Variants in CTNND2 observed in about 807,000 individuals in gnomAD.
The protein encoded by CTNND2 is catenin delta 2, also known as catenin delta-2.
A neutral mutation model predicts 144.4 loss-of-function variants in CTNND2; 22 were observed. The observed-to-expected ratio is 0.15, with a 90% CI of 0.11 to 0.22. The LOEUF is 0.22. Ranked by LOEUF, CTNND2 falls within the 10% of genes least tolerant of loss-of-function variation. The pLI is 1.00. For missense variants in CTNND2, 1,353 were observed against 1,618.8 expected (o/e 0.84, Z 2.82); for synonymous variants, 751 against 695.6 (o/e 1.08, Z -1.25).
At chr5:11,578,575 C>T (rs1016090777) in intron 2 of CTNND2, among the ~76,000 whole-genome samples, 1 of 151,894 alleles carries the variant, frequency 6.6e-6, no homozygotes, top group Non-Finnish European at 1.5e-5. Context: ...GCAGGTAAAT[C>T]GCTTGAACTC....
chr5:11,620,721 T>C (rs1780789789), intron 2 of CTNND2, among the ~76,000 whole-genome samples: 1 of 152,134 alleles, frequency 6.6e-6, no homozygotes, highest in Non-Finnish European at 1.5e-5. Flanking sequence ...ACTGGGTCTA[T>C]TATCTGTTTT....
At chr5:11,448,454 T>A (rs1765022447) in intron 3 of CTNND2, among the ~76,000 whole-genome samples, 1 of 152,124 alleles carries the variant, frequency 6.6e-6, no homozygotes, top group Non-Finnish European at 1.5e-5. Flanking sequence ...ATATTTCAAG[T>A]CTTTCGGGGA....
chr5:11,830,620 C>G (rs562187054), intron 1 of CTNND2, among the ~76,000 whole-genome samples: 42 of 152,208 alleles, frequency 2.8e-4, no homozygotes, highest in African/African-American at 1.0e-3. Context: ...TATAAATTAC[C>G]CAGTCTCAAA....
chr5:11,051,620 A>G (rs938590579), intron 16 of CTNND2, among the ~76,000 whole-genome samples: 1 of 152,230 alleles, frequency 6.6e-6, no homozygotes, highest in African/African-American at 2.4e-5. Flanking sequence ...ATTGCAAAAG[A>G]TTTTTCATGA....
At position 11,426,163 on chromosome 5, in the gene CTNND2, C is replaced by A. The variant is rs112895353; in HGVS notation, c.288-14094G>T. Among the ~76,000 whole-genome samples the A allele has an allele frequency of 4.8e-3, 730 of 152,298 alleles. 8 individuals carry two copies. The highest frequency in any genetic ancestry group is 0.017 in the African/African-American group (687 of 41,562). On this transcript the variant is annotated intron_variant, in intron 3 of 21. Transcript: ENST00000304623. ...ATCTCTCTCCTCCACTACCAAACCG[C>A]ACTGTTGTAGCCCCCCTTGAAAAAC...
intron 3 of CTNND2, among the ~76,000 whole-genome samples, chr5:11,515,657 A>G (rs2150031585): frequency 6.6e-6 from 1 of 152,326 alleles, no homozygotes; most frequent in South Asian, 2.1e-4. Context: ...TATGCTTTTT[A>G]TGAATCTCAA....
At position 11,196,680 on chromosome 5, in the gene CTNND2, C is replaced by T. The variant is rs776398953; in HGVS notation, c.1975+2768G>A. On this transcript the variant is annotated intron_variant, in intron 11 of 21. Coordinates refer to ENST00000304623, the MANE Select transcript of CTNND2 (RefSeq NM_001332.4). The stretch of plus-strand genomic sequence containing the variant: ...CCTCTTGGAGTCATCCACTCCCTTG[C>T]GGCTCATCTAGCAAGTTCCCAAAAT... Among the ~76,000 whole-genome samples, 6 of 152,202 alleles carry T rather than the reference C, an allele frequency of 3.9e-5. No individual in the cohort carries two copies. The East Asian group carries it at 7.7e-4, about 20-fold the overall frequency.
chr5:11,290,659 A>G (rs543956333), intron 9 of CTNND2, among the ~76,000 whole-genome samples: 1 of 152,326 alleles, frequency 6.6e-6, no homozygotes, highest in Admixed American at 6.5e-5. Flanking sequence ...ATGAAAAGGT[A>G]CGTTTCATAG....
intron 14 of CTNND2, among the ~76,000 whole-genome samples, chr5:11,101,293 C>T (rs1396730993): frequency 1.3e-5 from 2 of 152,148 alleles, no homozygotes; most frequent in East Asian, 1.9e-4. Context: ...TGTAACATGA[C>T]TGGACGTATT....
intron 2 of CTNND2, among the ~76,000 whole-genome samples, chr5:11,702,432 A>G (rs1785487970): frequency 6.6e-6 from 1 of 152,172 alleles, no homozygotes; most frequent in Admixed American, 6.5e-5. Flanking sequence ...AGGTGCTCAG[A>G]CAGTTCTTGT....
rs1212806854 is a variant in CTNND2, at chr5:11,031,956, G to T, written c.2789-8977C>A. Among the ~76,000 whole-genome samples, 7 of 152,204 alleles carry T rather than the reference G, an allele frequency of 4.6e-5. No homozygotes were observed. The East Asian group carries it at 1.2e-3, about 25-fold the overall frequency. On this transcript the variant is annotated intron_variant, in intron 16 of 21. Coordinates refer to ENST00000304623, the MANE Select transcript of CTNND2 (RefSeq NM_001332.4). ...TTGGTGTCAGACTGAGCCACTGATG[G>T]CTTCTTTCTTCATCATCTTGCAGAT...
chr5:11,690,464 C>A (rs962118709), intron 2 of CTNND2, among the ~76,000 whole-genome samples: 5 of 152,120 alleles, frequency 3.3e-5, no homozygotes, highest in Non-Finnish European at 5.9e-5. Context: ...ATATTAGAGG[C>A]TCTCACTTAA....
At chr5:11,182,615 C>T (rs1397977145) in intron 11 of CTNND2, among the ~76,000 whole-genome samples, 1 of 152,124 alleles carries the variant, frequency 6.6e-6, no homozygotes, top group African/African-American at 2.4e-5. Context: ...ACTCTTACTA[C>T]TAGCCATGTC....
chr5:11,431,268 C>T (rs1271357218), intron 3 of CTNND2, among the ~76,000 whole-genome samples: 1 of 152,088 alleles, frequency 6.6e-6, no homozygotes, highest in Non-Finnish European at 1.5e-5. Flanking sequence ...ACCATTAAGT[C>T]CATAGAGGTC....
chr5:11,450,851 T>TC (rs1429356648), intron 3 of CTNND2, among the ~76,000 whole-genome samples: 1 of 141,892 alleles, frequency 7.0e-6, no homozygotes, highest in Non-Finnish European at 1.5e-5. Flanking sequence ...TGAGCCGAGA[T>TC]TGCGCCATTG....
rs190803401 is a variant in CTNND2 at position 11,602,145 on chromosome 5, A to C, written c.175-37089T>G. Among the ~76,000 whole-genome samples the C allele has an allele frequency of 9.7e-4, 148 of 152,222 alleles. 2 individuals are homozygous for C. The highest frequency in any genetic ancestry group is 3.1e-3 in the African/African-American group (128 of 41,560). On this transcript the variant is annotated intron_variant, in intron 2 of 21. Transcript: ENST00000304623. ...AAGTTAATAATATAATTTCCTTAAAAATATATTTTATTATTATAAAATACT... is the reference window on the plus strand; with the variant it reads ...AAGTTAATAATATAATTTCCTTAAACATATATTTTATTATTATAAAATACT...
At chr5:11,742,731 A>G (rs924909063) in intron 1 of CTNND2, among the ~76,000 whole-genome samples, 11 of 152,182 alleles carry the variant, frequency 7.2e-5, no homozygotes, top group Non-Finnish European at 1.5e-4. Flanking sequence ...ATATTTTAAA[A>G]TATTTTATTT....
At chr5:11,312,037 ACACT>A (rs769168881) in intron 9 of CTNND2, among the ~76,000 whole-genome samples, 2 of 149,548 alleles carry the variant, frequency 1.3e-5, no homozygotes, top group African/African-American at 4.9e-5. Flanking sequence ...CCCCACACAC[ACACT>A]CACACACACT....
intron 3 of CTNND2, among the ~76,000 whole-genome samples, chr5:11,548,411 A>T (rs1376224041): frequency 1.3e-5 from 2 of 152,358 alleles, no homozygotes; most frequent in South Asian, 4.1e-4. Context: ...GCAATAGTAC[A>T]TATCATAGAT....
Sources: allele counts gnomAD v4.1 joint callset (sites outside exome capture counted in the v4.1 genomes callset), GRCh38; gene constraint gnomAD v4.1.1; transcripts MANE v1.5; gene names NCBI Gene and HGNC (gene_info 2026-07-23, HGNC 2026-07-21).